The following WDR75 variants were observed in gnomAD, a reference collection of about 807,000 sequenced individuals.
The protein encoded by WDR75 is WD repeat-containing protein 75.
A neutral mutation model predicts 106.1 loss-of-function variants in WDR75; 52 were observed. The ratio of observed to expected loss-of-function variants is 0.49; its 90% confidence interval spans 0.39 to 0.62. The LOEUF is 0.62. Ranked by LOEUF, WDR75 falls within the 20% of genes least tolerant of loss-of-function variation. The pLI is 0.00. For synonymous variants in WDR75, 333 were observed against 335.5 expected, an observed-to-expected ratio of 0.99 and a Z score of 0.08; for missense variants, 905 against 970.3, an observed-to-expected ratio of 0.93 and a Z score of 0.89.
chr2:189,447,505 G>A (rs1004681860), intron 1 of WDR75, among the ~76,000 whole-genome samples: 1 of 152,174 alleles, frequency 6.6e-6, no homozygotes, highest in Non-Finnish European at 1.5e-5. Context: ...TGGAGATGTT[G>A]GGGACATGGA....
At position 189,470,230 on chromosome 2, in the gene WDR75, C is replaced by G; in HGVS notation, c.1974C>G (p.Phe658Leu). 7 of 1,610,308 alleles carry G rather than the reference C, an allele frequency of 4.3e-6. No individual in the cohort carries two copies. Among genetic ancestry groups the G allele is most frequent in the Non-Finnish European group, 5.9e-6 (7 of 1,178,358 alleles). ...YQWLNRSQFYFLTKSQSLLTF... is the reference protein window; with the variant it reads ...YQWLNRSQFYLLTKSQSLLTF... ...GGCTAAATAGATCCCAGTTTTACTTCCTAACAAAATCACAGGTAACTGCCT... is the reference window on the plus strand; with the variant it reads ...GGCTAAATAGATCCCAGTTTTACTTGCTAACAAAATCACAGGTAACTGCCT... The change falls in exon 17 of 21, where the codon TTC becomes TTG. Residue 658 changes from phenylalanine (F) to leucine (L), a missense_variant. Coordinates refer to ENST00000314761, the MANE Select transcript of WDR75 (RefSeq NM_032168.3).
At chr2:189,458,970 C>CT (rs1686803277) in intron 7 of WDR75, 98 bp downstream of exon 7, 8 of 1,354,954 alleles carry the variant, frequency 5.9e-6, no homozygotes, top group Non-Finnish European at 7.8e-6. Flanking sequence ...AACAGCCTCC[C>CT]TTTCCTTTTT....
chr2:189,442,571 C>T (rs928501222), intron 1 of WDR75, among the ~76,000 whole-genome samples: 4 of 150,516 alleles, frequency 2.7e-5, no homozygotes, highest in African/African-American at 9.8e-5. Context: ...GTGCCTCGGC[C>T]TCCTGAGTAG....
At chr2:189,454,346 G>A (rs1244484623) in intron 4 of WDR75, among the ~76,000 whole-genome samples, 4 of 152,050 alleles carry the variant, frequency 2.6e-5, no homozygotes, top group Admixed American at 6.6e-5. Flanking sequence ...TTACAGAAAA[G>A]GAGATTTTAC....
In WDR75 at chr2:189,441,474, A is replaced by C; in HGVS notation, c.-19A>C. On this transcript the variant is annotated 5_prime_UTR_variant, in exon 1 of 21. Transcript: ENST00000314761. ...TTCAGGGCGGGACCAGAGATTGGCC[A>C]TTCCGCTACTGCGCAAAGATGGTGG... 6.4e-7 allele frequency: 1 copy of C among 1,555,132 alleles called. No individual in the cohort carries two copies. Among genetic ancestry groups the C allele is most frequent in the Non-Finnish European group, 8.7e-7 (1 of 1,148,520 alleles).
intron 14 of WDR75, 88 bp downstream of exon 14, chr2:189,467,736 C>A: frequency 8.0e-7 from 1 of 1,252,638 alleles, no homozygotes; most frequent in East Asian, 2.8e-5. Context: ...ATGCCCTCTC[C>A]AAAAGTAGCC....
intron 5 of WDR75, chr2:189,455,646 G>C: frequency 1.9e-6 from 1 of 523,656 alleles, no homozygotes; most frequent in Non-Finnish European, 3.1e-6. Flanking sequence ...TGTGTGTTCT[G>C]TCCTATTGCC....
intron 5 of WDR75, chr2:189,455,652 T>C: frequency 2.0e-6 from 1 of 491,400 alleles, no homozygotes; most frequent in Non-Finnish European, 3.4e-6. Context: ...TTCTGTCCTA[T>C]TGCCTTTGTA....
intron 6 of WDR75, among the ~76,000 whole-genome samples, chr2:189,458,112 G>A (rs766120492): frequency 1.3e-5 from 2 of 151,962 alleles, no homozygotes; most frequent in Admixed American, 6.6e-5. Context: ...TAGTAGAGAC[G>A]GGGTTTCACC....
In WDR75 at chr2:189,470,513, C is replaced by T. The variant is rs201845802; in HGVS notation, c.1989+268C>T. Among the ~76,000 whole-genome samples, 12 of 151,936 alleles carry T rather than the reference C, an allele frequency of 7.9e-5. No individual in the cohort carries two copies. The East Asian group carries it at 2.1e-3, about 27-fold the overall frequency. Reference sequence around the variant, plus strand: ...AAGACAACTAAAATACTTTAAATTGCATGATTCTTTTTTCTTTTTCTTTTT... The same window carrying T: ...AAGACAACTAAAATACTTTAAATTGTATGATTCTTTTTTCTTTTTCTTTTT... On this transcript the variant is annotated intron_variant, in intron 17 of 20. Transcript: ENST00000314761.
rs1491225555 is a variant in WDR75 at position 189,468,575 on chromosome 2, A to ATATT, written c.1723+8_1723+11dup. The ATATT allele has an allele frequency of 5.6e-6, 9 of 1,612,734 alleles. No individual in the cohort carries two copies. The South Asian group carries it at 8.8e-5, about 16-fold the overall frequency. ...GAATCTGCTGAGCTGTGCATGTAAG[A>ATATT]TATTTTTTACTCTAAAGTGATCTGG... On this transcript the variant is annotated splice_region_variant and intron_variant, in intron 15 of 20. Coordinates refer to ENST00000314761, the MANE Select transcript of WDR75 (RefSeq NM_032168.3).
At chr2:189,460,169 A>G (rs1686846905) in intron 8 of WDR75, among the ~76,000 whole-genome samples, 2 of 152,214 alleles carry the variant, frequency 1.3e-5, no homozygotes. Flanking sequence ...GTTCTTTAAG[A>G]AAGTTACTAC....
chr2:189,443,201 G>A (rs1686424211), intron 1 of WDR75, among the ~76,000 whole-genome samples: 1 of 152,210 alleles, frequency 6.6e-6, no homozygotes, highest in African/African-American at 2.4e-5. Context: ...CATAAGAAGA[G>A]ATTACTTCCC....
At chr2:189,444,485 G>T (rs1558979726) in intron 1 of WDR75, among the ~76,000 whole-genome samples, 1 of 152,184 alleles carries the variant, frequency 6.6e-6, no homozygotes, top group Non-Finnish European at 1.5e-5. Context: ...ATATGGTGCT[G>T]TGAATTATTG....
intron 16 of WDR75, among the ~76,000 whole-genome samples, chr2:189,469,738 C>G (rs1025656906): frequency 2.6e-5 from 4 of 152,132 alleles, no homozygotes; most frequent in Non-Finnish European, 2.9e-5. Flanking sequence ...ATTGGTCATC[C>G]TCTATGTTCT....
At chr2:189,455,170 G>A (rs563287172) in intron 4 of WDR75, 150 bp from the exon 5 acceptor site, 2 of 796,776 alleles carry the variant, frequency 2.5e-6, no homozygotes, top group Non-Finnish European at 3.6e-6. Context: ...GAACCTGGGA[G>A]GCAGAGGTTG....
intron 18 of WDR75, among the ~76,000 whole-genome samples, chr2:189,473,395 C>G (rs111953079): frequency 2.9e-4 from 44 of 152,182 alleles, no homozygotes; most frequent in African/African-American, 9.6e-4. Flanking sequence ...TTATTCGAAC[C>G]CTTGTTATTC....
chr2:189,457,406 T>C (rs1368584544), intron 6 of WDR75, 25 bp downstream of exon 6: 1 of 1,421,424 alleles, frequency 7.0e-7, no homozygotes, highest in African/African-American at 1.4e-5. Flanking sequence ...TTATTAGCTT[T>C]ATTTTATTTG....
At chr2:189,457,557 A>G (rs778193131) in intron 6 of WDR75, among the ~76,000 whole-genome samples, 176 bp downstream of exon 6, 13 of 152,264 alleles carry the variant, frequency 8.5e-5, no homozygotes, top group Middle Eastern at 3.4e-3. Flanking sequence ...TAAGCATACT[A>G]TTAGTCACCA....
Sources: gnomAD v4.1 joint callset for allele counts (sites outside exome capture counted in the v4.1 genomes callset) on GRCh38, gnomAD v4.1.1 for gene constraint, MANE v1.5 for transcripts, NCBI Gene and HGNC (gene_info 2026-07-23, HGNC 2026-07-21) for gene names.